MAN2A1: variants seen among roughly 807,000 people sequenced by gnomAD.
MAN2A1 encodes alpha-mannosidase 2.
MAN2A1 carries 76 observed loss-of-function variants against 142.6 expected under a neutral mutation model. That is an observed-to-expected ratio of 0.53 (90% CI 0.44 to 0.65). MAN2A1 has a LOEUF of 0.65. Ranked by LOEUF, MAN2A1 falls within the 30% of genes least tolerant of loss-of-function variation. MAN2A1 has a pLI of 0.00. For synonymous variants in MAN2A1, 559 were observed against 473.2 expected (o/e 1.18, Z -2.35); for missense variants, 1,311 against 1,365.1 (o/e 0.96, Z 0.62).
chr5:109,713,728 A>G lies in MAN2A1; in HGVS notation c.344A>G (p.Asp115Gly). 1 of 1,613,932 alleles carries G rather than the reference A, an allele frequency of 6.2e-7. No individual in the cohort carries two copies. The highest frequency in any genetic ancestry group is 1.3e-5 in the African/African-American group (1 of 74,964). Residue 115 changes from aspartate to glycine, a missense_variant, in exon 2 of 22, where the codon GAC becomes GGC. Transcript: ENST00000261483. The stretch of plus-strand genomic sequence containing the variant: ...TTATCCCTCTCAGTTGACACTGCAG[A>G]CTGTCTGTTTGCTTCACAAAGTGGA... ...SQLSLSVDTA[D>G]CLFASQSGSH... is the part of the protein sequence containing the mutation.
chr5:109,811,462 C>T (rs933535115), intron 12 of MAN2A1, among the ~76,000 whole-genome samples: 3 of 151,952 alleles, frequency 2.0e-5, no homozygotes, highest in African/African-American at 7.3e-5. Flanking sequence ...TTATGTTCTA[C>T]TAAGTGACAT....
intron 4 of MAN2A1, among the ~76,000 whole-genome samples, chr5:109,736,943 A>G (rs920268534): frequency 3.3e-5 from 5 of 152,120 alleles, no homozygotes; most frequent in African/African-American, 9.6e-5. Context: ...TATTTTTCCT[A>G]CATATTTAAT....
intron 8 of MAN2A1, among the ~76,000 whole-genome samples, chr5:109,779,559 A>G (rs374240098): frequency 1.0e-5 from 1 of 95,314 alleles, no homozygotes; most frequent in African/African-American, 5.4e-5. Flanking sequence ...ACACACACAC[A>G]CGCGTGCACA....
chr5:109,812,908 C>T (rs1031968774), intron 12 of MAN2A1, among the ~76,000 whole-genome samples: 57 of 152,058 alleles, frequency 3.7e-4, no homozygotes, highest in African/African-American at 1.4e-3. Flanking sequence ...GTGCTAGGTA[C>T]CTATAGTAAG....
chr5:109,839,819 A>G (rs1755153892), intron 16 of MAN2A1, among the ~76,000 whole-genome samples: 2 of 152,116 alleles, frequency 1.3e-5, no homozygotes. Context: ...TTCTGATCCT[A>G]GAGGCTTCAG....
chr5:109,853,759 T>A (rs1755540532), intron 19 of MAN2A1: 1 of 152,220 alleles, frequency 6.6e-6, no homozygotes, highest in Non-Finnish European at 1.5e-5. Flanking sequence ...TTGAAATTGT[T>A]CCCTCTCTAT....
chr5:109,829,097 G>A (rs1247267747), intron 16 of MAN2A1, among the ~76,000 whole-genome samples: 1 of 152,186 alleles, frequency 6.6e-6, no homozygotes, highest in African/African-American at 2.4e-5. Flanking sequence ...TCAAGTTCAT[G>A]ACGCTTTTGT....
At chr5:109,740,325 C>T (rs1752231634) in intron 4 of MAN2A1, among the ~76,000 whole-genome samples, 1 of 152,150 alleles carries the variant, frequency 6.6e-6, no homozygotes, top group Non-Finnish European at 1.5e-5. Flanking sequence ...AAAAGGAGTG[C>T]CCCATCTATG....
chr5:109,847,219 G>A (rs1755365686), intron 18 of MAN2A1, among the ~76,000 whole-genome samples: 1 of 152,130 alleles, frequency 6.6e-6, no homozygotes, highest in African/African-American at 2.4e-5. Flanking sequence ...GACTCAAGCC[G>A]TGGTTAACAA....
chr5:109,775,211 A>G (rs1001447783), intron 8 of MAN2A1, among the ~76,000 whole-genome samples: 2 of 152,168 alleles, frequency 1.3e-5, no homozygotes, highest in Admixed American at 6.6e-5. Context: ...GATTGAAAAT[A>G]TGTACCTACC....
At chr5:109,727,943 A>G (rs913475248) in intron 3 of MAN2A1, among the ~76,000 whole-genome samples, 1 of 146,610 alleles carries the variant, frequency 6.8e-6, no homozygotes, top group Non-Finnish European at 1.6e-5. Flanking sequence ...TTAAAAATAG[A>G]CACAGTTTTT....
chr5:109,744,376 G>C (rs561505970), intron 4 of MAN2A1, among the ~76,000 whole-genome samples: 4 of 152,182 alleles, frequency 2.6e-5, no homozygotes, highest in African/African-American at 9.6e-5. Flanking sequence ...GGTGTCAGAG[G>C]GCAGAGAAGG....
chr5:109,716,501 G>C (rs777122873), intron 3 of MAN2A1, among the ~76,000 whole-genome samples: 5 of 152,102 alleles, frequency 3.3e-5, no homozygotes, highest in Non-Finnish European at 7.4e-5. Flanking sequence ...AAAAAAGAAG[G>C]GCTTGCCTTT....
chr5:109,828,930 T>A (rs1358317296), intron 16 of MAN2A1, among the ~76,000 whole-genome samples: 1 of 152,188 alleles, frequency 6.6e-6, no homozygotes, highest in Admixed American at 6.5e-5. Flanking sequence ...TTTGAATATA[T>A]AAACATAAGT....
Position 109,729,525 on chromosome 5 carries a change from A to T in MAN2A1, c.707+12A>T. 2 of 1,428,682 alleles carry T rather than the reference A, an allele frequency of 1.4e-6. No homozygotes were observed. The highest frequency in any genetic ancestry group is 1.9e-6 in the Non-Finnish European group (2 of 1,076,894). The allele number at this position is 1,428,682 out of a possible 1,614,324, so 88.5% of individuals were successfully genotyped here. A position where few individuals can be genotyped will look rare whatever the true frequency, so the allele number is the denominator to read the frequency against. ...GATGCTGTTAAAAGGTTTGTTTTAA[A>T]ACTTTTTTGGAATTTGGTAATATTA... On this transcript the variant is annotated intron_variant, in intron 4 of 21. Transcript: ENST00000261483.
intron 7 of MAN2A1, among the ~76,000 whole-genome samples, chr5:109,774,111 T>C (rs1045968213): frequency 5.9e-5 from 9 of 152,160 alleles, no homozygotes; most frequent in African/African-American, 2.2e-4. Context: ...TCCAGAGAAG[T>C]AGAAACCAAA....
chr5:109,750,990 C>T (rs1752529080), intron 4 of MAN2A1, among the ~76,000 whole-genome samples: 1 of 152,024 alleles, frequency 6.6e-6, no homozygotes, highest in South Asian at 2.1e-4. Flanking sequence ...CATTTCCAGT[C>T]CTCTTTTAGC....
chr5:109,826,855 C>T (rs1754773054), intron 16 of MAN2A1, among the ~76,000 whole-genome samples: 1 of 152,166 alleles, frequency 6.6e-6, no homozygotes, highest in Non-Finnish European at 1.5e-5. Context: ...TAAACTTTGG[C>T]CTCCTGTAAA....
At position 109,823,733 on chromosome 5, in the gene MAN2A1, A is replaced by G. The variant is rs772888733; in HGVS notation, c.2462A>G (p.Tyr821Cys). Reference protein sequence around the residue: ...LPDGNAKPYVYTTPPFVRVTH... With the variant: ...LPDGNAKPYVCTTPPFVRVTH... ...TTATTTTCTTTTCAGCCTTATGTTT[A>G]CACAACACCGCCCTTTGTCAGAGTG... The change falls in exon 16 of 22, where the codon TAC (tyrosine) becomes TGC (cysteine). Residue 821 changes from tyrosine to cysteine, a missense_variant. Tyr to Cys is a radical substitution (Grantham distance 194). Coordinates refer to ENST00000261483, the MANE Select transcript of MAN2A1 (RefSeq NM_002372.4). 1 of 1,591,338 alleles carries G rather than the reference A, an allele frequency of 6.3e-7. No individual in the cohort carries two copies. Among genetic ancestry groups the G allele is most frequent in the Admixed American group, 1.7e-5 (1 of 59,080 alleles).
Sources: allele counts gnomAD v4.1 joint callset (sites outside exome capture counted in the v4.1 genomes callset), GRCh38; gene constraint gnomAD v4.1.1; transcripts MANE v1.5; gene names NCBI Gene and HGNC (gene_info 2026-07-23, HGNC 2026-07-21).